SLIT2: variants seen among roughly 807,000 people sequenced by gnomAD.
SLIT2 encodes the protein slit homolog 2 protein.
A neutral mutation model predicts 185.7 loss-of-function variants in SLIT2; 41 were observed. That is an observed-to-expected ratio of 0.22 (90% CI 0.17 to 0.29). The LOEUF (loss-of-function observed/expected upper bound fraction) is 0.29, where lower values mean the gene tolerates loss of function less well. Among genes scored for constraint, SLIT2 ranks in the 10% least tolerant of loss-of-function variants. The pLI is 1.00. For synonymous variants in SLIT2, 693 were observed against 680.2 expected, an observed-to-expected ratio of 1.02 and a Z score of -0.29; for missense variants, 1,571 against 1,909.0, an observed-to-expected ratio of 0.82 and a Z score of 3.30.
chr4:20,552,753 C>T (rs1025850653), intron 25 of SLIT2: 1 of 152,118 alleles, frequency 6.6e-6, no homozygotes, highest in African/African-American at 2.4e-5. Context: ...GATAACTATC[C>T]TGACGGTAGA....
In SLIT2 at chr4:20,472,540, C is replaced by CTATATATCGATATATCTAGA. The variant is rs1560454969; in HGVS notation, c.467+4722_467+4723insATCGATATATCTAGATATAT. 3.2e-4 allele frequency among the ~76,000 whole-genome samples: 3 copies of CTATATATCGATATATCTAGA among 9,494 alleles called. 1 individual carries two copies. The highest frequency in any genetic ancestry group is 1.3e-3 in the African/African-American group (2 of 1,492). The allele number at this position is 9,494 out of a possible 152,430, so 6.2% of individuals were successfully genotyped here. A position where few individuals can be genotyped will look rare whatever the true frequency, so the allele number is the denominator to read the frequency against. On this transcript the variant is annotated intron_variant, in intron 5 of 36. Transcript: ENST00000504154. ...GATATATATCTATATATAGATATAT[C>CTATATATCGATATATCTAGA]TATATCTATATATAGATATATATCT...
intron 4 of SLIT2, among the ~76,000 whole-genome samples, chr4:20,322,131 T>TAAG (rs1260441444): frequency 6.6e-6 from 1 of 152,186 alleles, no homozygotes; most frequent in Non-Finnish European, 1.5e-5. Flanking sequence ...TGCTTTCCTC[T>TAAG]ATCACCAGAA....
intron 33 of SLIT2, among the ~76,000 whole-genome samples, chr4:20,601,536 C>G (rs7683520): frequency 0.053 from 8,053 of 152,236 alleles, 343 homozygotes; most frequent in African/African-American, 0.12. Flanking sequence ...TGCAATGGAT[C>G]TACTCTTAAT....
chr4:20,613,502 GCA>G (rs1197023310), intron 34 of SLIT2, among the ~76,000 whole-genome samples: 3 of 152,110 alleles, frequency 2.0e-5, no homozygotes, highest in Non-Finnish European at 4.4e-5. Context: ...CTGGGGCCTA[GCA>G]GAGGGCGGAG....
chr4:20,362,078 G>C (rs1722785262), intron 4 of SLIT2, among the ~76,000 whole-genome samples: 1 of 152,060 alleles, frequency 6.6e-6, no homozygotes, highest in Non-Finnish European at 1.5e-5. Flanking sequence ...TACTTTCCAA[G>C]GGACAGCCTA....
intron 26 of SLIT2, among the ~76,000 whole-genome samples, chr4:20,559,433 C>T (rs768689873): frequency 2.0e-5 from 3 of 151,818 alleles, no homozygotes; most frequent in Non-Finnish European, 2.9e-5. Flanking sequence ...ACTTACAGTG[C>T]CCTTTGCCAG....
intron 4 of SLIT2, among the ~76,000 whole-genome samples, chr4:20,410,167 C>G (rs181370209): frequency 6.6e-6 from 1 of 151,488 alleles, no homozygotes; most frequent in African/African-American, 2.4e-5. Context: ...AATGGTATTG[C>G]CTAGATTTTC....
At position 20,372,510 on chromosome 4, in the gene SLIT2, A is replaced by G. The variant is rs1268516150; in HGVS notation, c.396-95242A>G. Among the ~76,000 whole-genome samples, 4 of 152,192 alleles carry G rather than the reference A, an allele frequency of 2.6e-5. No homozygotes were observed. The East Asian group carries it at 7.7e-4, about 29-fold the overall frequency. ...TCTATTGTTAATTTTCTAATTTCCA[A>G]AATTAACTTTGTCCTGTTTGTAAAT... is the stretch of plus-strand genomic sequence containing the variant. On this transcript the variant is annotated intron_variant, in intron 4 of 36. Transcript: ENST00000504154.
intron 6 of SLIT2, among the ~76,000 whole-genome samples, chr4:20,485,744 C>T (rs1356700388): frequency 3.9e-5 from 6 of 152,082 alleles, no homozygotes; most frequent in South Asian, 4.1e-4. Flanking sequence ...AAGCCTGACA[C>T]GAATGATTCT....
chr4:20,312,771 C>CAAAA (rs34372893), intron 4 of SLIT2, among the ~76,000 whole-genome samples: 121 of 101,650 alleles, frequency 1.2e-3, no homozygotes, highest in Non-Finnish European at 1.6e-3. Context: ...GACTTTGTCT[C>CAAAA]AAAAAAAAAA....
At chr4:20,398,943 C>T (rs1479132463) in intron 4 of SLIT2, among the ~76,000 whole-genome samples, 1 of 151,338 alleles carries the variant, frequency 6.6e-6, no homozygotes, top group Admixed American at 6.6e-5. Context: ...GACATTTAAC[C>T]CATGAAAAAC....
At chr4:20,276,169 C>T (rs1714151072) in intron 4 of SLIT2, among the ~76,000 whole-genome samples, 1 of 152,222 alleles carries the variant, frequency 6.6e-6, no homozygotes, top group South Asian at 2.1e-4. Flanking sequence ...TCTTTTAGCA[C>T]TTTAAATCTA....
At chr4:20,548,636 A>C (rs1723462281) in intron 23 of SLIT2, 77 bp downstream of exon 23, 3 of 855,610 alleles carry the variant, frequency 3.5e-6, no homozygotes, top group Non-Finnish European at 6.0e-6. Context: ...GGACATTGCT[A>C]TTGAACAAGA....
rs376556054 is a variant in SLIT2 at position 20,441,519 on chromosome 4, GTCTCTCTCTC to G, written c.396-26213_396-26204del. ...CTCTCTCTCGCCCCCCCCCACTTCT[GTCTCTCTCTC>G]TCTCTCTCTCTCTCTCTCTGTCTCT... On this transcript the variant is annotated intron_variant, in intron 4 of 36. Coordinates refer to ENST00000504154, the MANE Select transcript of SLIT2 (RefSeq NM_004787.4). Among the ~76,000 whole-genome samples the G allele has an allele frequency of 1.0e-4, 11 of 107,990 alleles. No homozygotes were observed. In the East Asian group the frequency reaches 1.2e-3, roughly 12 times the overall value. The allele number at this position is 107,990 out of a possible 152,430, so 70.8% of individuals were successfully genotyped here.
At chr4:20,433,143 C>A (rs1729110368) in intron 4 of SLIT2, among the ~76,000 whole-genome samples, 1 of 152,180 alleles carries the variant, frequency 6.6e-6, no homozygotes, top group African/African-American at 2.4e-5. Flanking sequence ...CTGAATCTTA[C>A]AGCAACCACC....
At position 20,523,783 on chromosome 4, in the gene SLIT2, A is replaced by T; in HGVS notation, c.1154A>T (p.Asn385Ile). Residue 385 changes from asparagine to isoleucine, a missense_variant, in exon 13 of 37, where the codon AAC becomes ATC. Asn to Ile is a moderately radical substitution (Grantham distance 149). This residue lies in a region of SLIT2 where 1,202 missense variants were observed against 1,416.4 expected (regional missense o/e 0.85). Transcript: ENST00000504154. ...AGATTATTGAATGCCAACAAGATAAACTGCCTTCGGGTAGATGCTTTTCAG... is the reference window on the plus strand; with the variant it reads ...AGATTATTGAATGCCAACAAGATAATCTGCCTTCGGGTAGATGCTTTTCAG... ...QLLLLNANKI[N>I]CLRVDAFQDL... 1 of 1,614,052 alleles carries T rather than the reference A, an allele frequency of 6.2e-7. No individual in the cohort carries two copies. Among genetic ancestry groups the T allele is most frequent in the Admixed American group, 1.7e-5 (1 of 60,022 alleles).
intron 4 of SLIT2, among the ~76,000 whole-genome samples, chr4:20,356,521 CAAATAGG>C (rs1465157360): frequency 6.6e-6 from 1 of 152,100 alleles, no homozygotes; most frequent in African/African-American, 2.4e-5. Context: ...TTTATTCACA[CAAATAGG>C]TTAATATTCC....
chr4:20,365,145 C>T (rs182137678), intron 4 of SLIT2, among the ~76,000 whole-genome samples: 15 of 152,266 alleles, frequency 9.9e-5, no homozygotes, highest in Non-Finnish European at 1.8e-4. Flanking sequence ...CTATTCAGGG[C>T]AGACATTTGA....
At chr4:20,280,982 G>A (rs1054877648) in intron 4 of SLIT2, among the ~76,000 whole-genome samples, 5 of 151,926 alleles carry the variant, frequency 3.3e-5, no homozygotes, top group Non-Finnish European at 7.4e-5. Flanking sequence ...ACAGGCATGC[G>A]CCACCACGCC....
Sources: gnomAD v4.1 joint callset for allele counts (sites outside exome capture counted in the v4.1 genomes callset) on GRCh38, gnomAD v4.1.1 for gene constraint, gnomAD v4.1.1 regional missense constraint, MANE v1.5 for transcripts, NCBI Gene and HGNC (gene_info 2026-07-23, HGNC 2026-07-21) for gene names.